ATP2B1: variants seen among roughly 807,000 people sequenced by gnomAD.
ATP2B1 encodes ATPase plasma membrane Ca2+ transporting 1.
In ATP2B1, 14 loss-of-function variants were observed where a neutral mutation model predicts 124.2. The ratio of observed to expected loss-of-function variants is 0.11; its 90% confidence interval spans 0.07 to 0.18. The LOEUF (loss-of-function observed/expected upper bound fraction) is 0.18. ATP2B1 is among the 10% of genes least tolerant of loss of function. ATP2B1 has a pLI of 1.00. For missense variants in ATP2B1, 763 were observed against 1,466.1 expected (o/e 0.52, Z 7.83); for synonymous variants, 449 against 492.4 (o/e 0.91, Z 1.17).
In ATP2B1 at chr12:89,630,429, T is replaced by C. The variant is rs1031559158; in HGVS notation, c.928+76A>G. On this transcript the variant is annotated intron_variant, in intron 6 of 20. Transcript: ENST00000428670. Reference sequence around the variant, plus strand: ...GTAGAATTTTTCATACCAGAATCTCTTGAAAGAAGGTACTAGTTCTTACAA... The same window carrying C: ...GTAGAATTTTTCATACCAGAATCTCCTGAAAGAAGGTACTAGTTCTTACAA... 6.4e-6 allele frequency: 8 copies of C among 1,249,792 alleles called. No homozygotes were observed. The African/African-American group carries it at 7.8e-5, about 12-fold the overall frequency. The allele number at this position is 1,249,792 out of a possible 1,614,324, so 77.4% of individuals were successfully genotyped here.
intron 1 of ATP2B1, among the ~76,000 whole-genome samples, chr12:89,679,573 C>A (rs188255637): frequency 6.6e-6 from 1 of 152,264 alleles, no homozygotes; most frequent in South Asian, 2.1e-4. Context: ...TAGGTAGCCT[C>A]CAGTATTAAC....
At chr12:89,609,894 G>T in intron 15 of ATP2B1, 43 bp downstream of exon 15, 1 of 1,547,628 alleles carries the variant, frequency 6.5e-7, no homozygotes. Context: ...AAACAAACCA[G>T]TCAGTAAATT....
At chr12:89,709,130 G>A (rs1331087101), upstream of ATP2B1, 1 of 150,970 alleles carries the variant, frequency 6.6e-6, no homozygotes, top group African/African-American at 2.4e-5. Context: ...CGAGCACGAG[G>A]GGGCTGCGCG....
chr12:89,624,997 C>T (rs923937065), intron 8 of ATP2B1, among the ~76,000 whole-genome samples: 16 of 152,114 alleles, frequency 1.1e-4, no homozygotes, highest in Non-Finnish European at 1.8e-4. Context: ...GCTGGCTGGG[C>T]GCAGTGGCTC....
At position 89,603,675 on chromosome 12, in the gene ATP2B1, C is replaced by T. The variant is rs375375269; in HGVS notation, c.2848+37G>A. On this transcript the variant is annotated intron_variant, in intron 17 of 20. Transcript: ENST00000428670. This position sits in a 1 kb window ranked among gnomAD's most constrained non-coding sequence, Gnocchi z 4.3. ...TTGGATGATTAGCTTGGAAAAGAAA[C>T]AATTAACTGAAGCTTTATTAGACAC... 27 of 1,583,666 alleles carry T rather than the reference C, an allele frequency of 1.7e-5. No individual in the cohort carries two copies. In the African/African-American group the frequency reaches 2.8e-4, roughly 17 times the overall value.
chr12:89,697,911 T>TAAA (rs1891361541), intron 1 of ATP2B1, among the ~76,000 whole-genome samples: 1 of 152,070 alleles, frequency 6.6e-6, no homozygotes. Context: ...AGTCTCGCTC[T>TAAA]GTTGTCCAGG....
At chr12:89,645,491 C>T (rs1055737752) in intron 2 of ATP2B1, among the ~76,000 whole-genome samples, 1 of 152,044 alleles carries the variant, frequency 6.6e-6, no homozygotes, top group East Asian at 1.9e-4. Flanking sequence ...CAGACAAGTA[C>T]AATGAAGACA....
intron 1 of ATP2B1, among the ~76,000 whole-genome samples, chr12:89,689,694 G>C (rs1804412107): frequency 6.6e-6 from 1 of 152,066 alleles, no homozygotes; most frequent in African/African-American, 2.4e-5. Flanking sequence ...TATATTTGTA[G>C]ACTTCCATTT....
At chr12:89,698,239 T>C (rs2136822034) in intron 1 of ATP2B1, among the ~76,000 whole-genome samples, 1 of 152,324 alleles carries the variant, frequency 6.6e-6, no homozygotes, top group South Asian at 2.1e-4. Context: ...TGTATGTTAC[T>C]GGAACCAAAA....
At chr12:89,657,680 A>C (rs539802537) in intron 1 of ATP2B1, among the ~76,000 whole-genome samples, 72 of 152,306 alleles carry the variant, frequency 4.7e-4, no homozygotes, top group South Asian at 1.7e-3. Context: ...CCACACCTCA[A>C]GCATCTTTAG....
chr12:89,636,180 T>A (rs1424437923), intron 3 of ATP2B1, among the ~76,000 whole-genome samples: 2 of 150,544 alleles, frequency 1.3e-5, no homozygotes, highest in Non-Finnish European at 3.0e-5. Flanking sequence ...TTAAAATCAG[T>A]ACAAATGGCA....
In ATP2B1 at chr12:89,642,203, A is replaced by C; in HGVS notation, c.361T>G (p.Ser121Ala). ...GGCTGATAAAAAGAAAGGCCCAATG[A>C]TACTATGGCTGCAATTTCTAATATA... is the stretch of plus-strand genomic sequence containing the variant. ...LIILEIAAIV[S>A]LGLSFYQPPE... Residue 121 changes from serine (S) to alanine (A), a missense_variant, in exon 3 of 21, where the codon TCA (serine) becomes GCA (alanine). Ser to Ala is a moderately conservative substitution (Grantham distance 99). Coordinates refer to ENST00000428670, the MANE Select transcript of ATP2B1 (RefSeq NM_001366521.1). The C allele has an allele frequency of 6.2e-7, 1 of 1,613,806 alleles. No individual in the cohort carries two copies. The highest frequency in any genetic ancestry group is 8.5e-7 in the Non-Finnish European group (1 of 1,179,806).
intron 15 of ATP2B1, among the ~76,000 whole-genome samples, chr12:89,608,774 A>T (rs1451682302): frequency 6.6e-6 from 1 of 152,200 alleles, no homozygotes; most frequent in Admixed American, 6.5e-5. Flanking sequence ...AGCAGCAGTG[A>T]GTGATCCTAT....
At chr12:89,591,417 A>AAATAT in intron 20 of ATP2B1, 122 bp from the exon 21 acceptor site, 5 of 831,160 alleles carry the variant, frequency 6.0e-6, no homozygotes, top group South Asian at 1.8e-5. Context: ...CATGTAATGC[A>AAATAT]GTGGAACTTG....
intron 7 of ATP2B1, 56 bp from the exon 8 acceptor site, chr12:89,626,671 A>C: frequency 6.7e-7 from 1 of 1,503,664 alleles, no homozygotes; most frequent in Non-Finnish European, 8.8e-7. Context: ...TATCACTATT[A>C]ACATTTTAAA....
intron 12 of ATP2B1, chr12:89,612,155 C>G (rs559054730): frequency 6.6e-6 from 1 of 152,128 alleles, no homozygotes; most frequent in Non-Finnish European, 1.5e-5. Flanking sequence ...TCCTTTAAAA[C>G]ATATGATATA....
chr12:89,609,245 T>A (rs907573398), intron 15 of ATP2B1, among the ~76,000 whole-genome samples: 8 of 152,098 alleles, frequency 5.3e-5, no homozygotes, highest in Non-Finnish European at 1.0e-4. Context: ...CACATTAAAA[T>A]CTCCACAATG....
chr12:89,591,569 T>A (rs1354097729), intron 20 of ATP2B1, among the ~76,000 whole-genome samples: 5 of 152,110 alleles, frequency 3.3e-5, no homozygotes, highest in African/African-American at 4.8e-5. Flanking sequence ...ATAGCCATTT[T>A]ATAGGATTTT....
chr12:89,618,044 A>G (rs1404827169), intron 11 of ATP2B1, among the ~76,000 whole-genome samples: 1 of 152,016 alleles, frequency 6.6e-6, no homozygotes, highest in Non-Finnish European at 1.5e-5. Context: ...ACAAAGCTAC[A>G]GCTATTGTAA....
Sources: allele counts gnomAD v4.1 joint callset (sites outside exome capture counted in the v4.1 genomes callset), GRCh38; gene constraint gnomAD v4.1.1; non-coding constraint Gnocchi (gnomAD v3.1); transcripts MANE v1.5; gene names NCBI Gene and HGNC (gene_info 2026-07-23, HGNC 2026-07-21).